WEE2: variants seen among roughly 807,000 people sequenced by gnomAD.
The protein encoded by WEE2 is wee1-like protein kinase 2.
WEE2 carries 50 observed loss-of-function variants against 60.1 expected under a neutral mutation model. That is an observed-to-expected ratio of 0.83 (90% CI 0.66 to 1.05). WEE2 has a LOEUF of 1.05. Among genes scored for constraint, WEE2 ranks in the 50% least tolerant of loss-of-function variants. WEE2 has a pLI of 0.00. For missense variants in WEE2, 631 were observed against 684.3 expected, an observed-to-expected ratio of 0.92 and a Z score of 0.87; for synonymous variants, 240 against 241.0, an observed-to-expected ratio of 1.00 and a Z score of 0.04.
At chr7:141,730,217 C>T in intron 11 of WEE2, 78 bp from the exon 12 acceptor site, 1 of 1,361,408 alleles carries the variant, frequency 7.3e-7, no homozygotes, top group Non-Finnish European at 1.0e-6. Context: ...TAATTGGAAG[C>T]CATTTCTCTT....
At chr7:141,725,291 T>C in intron 9 of WEE2, 95 bp downstream of exon 9, 2 of 1,367,674 alleles carry the variant, frequency 1.5e-6, no homozygotes, top group Non-Finnish European at 2.0e-6. Context: ...ATGCTAGTAG[T>C]GTCACTAACA....
intron 4 of WEE2, chr7:141,720,721 C>T (rs1487945424): frequency 3.3e-5 from 19 of 570,658 alleles, no homozygotes; most frequent in African/African-American, 5.7e-5. Context: ...ATTACCAGTT[C>T]GACTTTGGGC....
At chr7:141,718,583 A>G (rs1421568490) in intron 3 of WEE2, among the ~76,000 whole-genome samples, 1 of 152,044 alleles carries the variant, frequency 6.6e-6, no homozygotes, top group East Asian at 1.9e-4. Context: ...TGACAAAATC[A>G]TTTCTCCAGG....
In WEE2 at chr7:141,723,194, C is replaced by T. The variant is rs1243367185; in HGVS notation, c.941C>T (p.Pro314Leu). ...AAGTCTGGCAATCATTTTGAAGAGC[C>T]AAAACTCAAGGACATCCTTCTACAG... ...NTKSGNHFEEPKLKDILLQIS... is the reference protein window; with the variant it reads ...NTKSGNHFEELKLKDILLQIS... Residue 314 changes from proline (P) to leucine (L), a missense_variant, in exon 6 of 12, where the codon CCA becomes CTA. By Grantham distance (98) the Pro-to-Leu change is moderately conservative. Coordinates refer to ENST00000397541, the MANE Select transcript of WEE2 (RefSeq NM_001105558.1). The T allele has an allele frequency of 6.2e-7, 1 of 1,614,010 alleles. No individual in the cohort carries two copies. The highest frequency in any genetic ancestry group is 8.5e-7 in the Non-Finnish European group (1 of 1,180,026).
chr7:141,730,598 A>G lies in WEE2; in HGVS notation c.*278A>G. 1 of 329,500 alleles carries G rather than the reference A, an allele frequency of 3.0e-6. No individual in the cohort carries two copies. The highest frequency in any genetic ancestry group is 8.2e-4 in the Middle Eastern group (1 of 1,220). 20.4% of individuals were successfully genotyped at this position (329,500 alleles called of 1,614,324 possible). A position where few individuals can be genotyped will look rare whatever the true frequency, so the allele number is the denominator to read the frequency against. Reference sequence around the variant, plus strand: ...TTGTATTTATTAAATAAATGGTTTCACCATTATGTGAGGTGGGTAAAAGTT... The same window carrying G: ...TTGTATTTATTAAATAAATGGTTTCGCCATTATGTGAGGTGGGTAAAAGTT... On this transcript the variant is annotated 3_prime_UTR_variant, in exon 12 of 12. Transcript: ENST00000397541.
chr7:141,721,765 A>G (rs1408234051), intron 5 of WEE2, among the ~76,000 whole-genome samples: 1 of 152,000 alleles, frequency 6.6e-6, no homozygotes, highest in Non-Finnish European at 1.5e-5. Context: ...CATCTAGCCG[A>G]GTGACTTCAT....
intron 3 of WEE2, among the ~76,000 whole-genome samples, chr7:141,717,193 A>G (rs1453789539): frequency 6.6e-6 from 1 of 152,200 alleles, no homozygotes; most frequent in African/African-American, 2.4e-5. Context: ...AGCTATAACC[A>G]CTGCTATTTC....
chr7:141,722,630 A>G (rs539854001), intron 5 of WEE2, among the ~76,000 whole-genome samples: 14 of 152,358 alleles, frequency 9.2e-5, no homozygotes, highest in African/African-American at 2.9e-4. Context: ...AATTAGACTT[A>G]GACTCCATTA....
At chr7:141,713,622 T>G (rs1798744252) in intron 1 of WEE2, among the ~76,000 whole-genome samples, 1 of 152,224 alleles carries the variant, frequency 6.6e-6, no homozygotes, top group South Asian at 2.1e-4. Flanking sequence ...GTGCTTTATT[T>G]TAAGTGAAAT....
At chr7:141,726,951 G>A (rs971911795) in intron 9 of WEE2, among the ~76,000 whole-genome samples, 1 of 152,216 alleles carries the variant, frequency 6.6e-6, no homozygotes. Context: ...AAAGTAAACT[G>A]GAGTAAGAGT....
At chr7:141,717,903 G>T (rs1466292578) in intron 3 of WEE2, among the ~76,000 whole-genome samples, 2 of 152,144 alleles carry the variant, frequency 1.3e-5, no homozygotes, top group East Asian at 3.9e-4. Context: ...AGTAGTGAGT[G>T]CGCAGTTGGT....
chr7:141,714,079 C>A, intron 1 of WEE2, 130 bp from the exon 2 acceptor site: 1 of 700,620 alleles, frequency 1.4e-6, no homozygotes, highest in South Asian at 2.1e-5. Context: ...GCAACCAGTT[C>A]ACATGGAACC....
intron 10 of WEE2, among the ~76,000 whole-genome samples, chr7:141,729,095 A>G (rs1400127234): frequency 6.6e-6 from 1 of 152,218 alleles, no homozygotes; most frequent in Non-Finnish European, 1.5e-5. Context: ...TTTCTGCTGG[A>G]ATGATTTCAG....
chr7:141,726,318 T>C (rs2117123720), intron 9 of WEE2, among the ~76,000 whole-genome samples: 1 of 152,304 alleles, frequency 6.6e-6, no homozygotes, highest in Non-Finnish European at 1.5e-5. Context: ...TCTCATTCTG[T>C]TGCCTAGACT....
intron 10 of WEE2, 107 bp downstream of exon 10, chr7:141,727,553 C>G (rs998146352): frequency 2.1e-6 from 3 of 1,402,192 alleles, no homozygotes; most frequent in Non-Finnish European, 1.9e-6. Flanking sequence ...AATATATTCA[C>G]CATTATAATA....
rs758305440 is a variant in WEE2, at chr7:141,725,037, C to G, written c.1233C>G (p.His411Gln). Reference protein sequence around the residue: ...ANEILQEDYRHLPKADIFALG... With the variant: ...ANEILQEDYRQLPKADIFALG... ...CTTCTGTTTTGAAGGATTACCGGCA[C>G]CTTCCCAAAGCAGACATATTTGCCT... The change falls in exon 9 of 12, where the codon CAC (histidine) becomes CAG (glutamine). Residue 411 changes from histidine (H) to glutamine (Q), a missense_variant. Physicochemically the swap from His to Gln is conservative, Grantham distance 24. Coordinates refer to ENST00000397541, the MANE Select transcript of WEE2 (RefSeq NM_001105558.1). 4 of 1,613,622 alleles carry G rather than the reference C, an allele frequency of 2.5e-6. No individual in the cohort carries two copies. The South Asian group carries it at 4.4e-5, about 18-fold the overall frequency.
chr7:141,708,802 A>G lies in WEE2; in HGVS notation c.44A>G (p.Asn15Ser), dbSNP rs764120932. ...GACAAAGAACTAAGGCAGAAATTAA[A>G]CTTTTCCTATTGTGAGGAGACTGAG... The part of the protein sequence containing the change: ...DIDKELRQKL[N>S]FSYCEETEIE... The change falls in exon 1 of 12, where the codon AAC becomes AGC. Residue 15 changes from asparagine to serine, a missense_variant. Asn to Ser is a conservative substitution (Grantham distance 46, BLOSUM62 1). Coordinates refer to ENST00000397541, the MANE Select transcript of WEE2 (RefSeq NM_001105558.1). 6.2e-7 allele frequency: 1 copy of G among 1,614,150 alleles called. No individual in the cohort carries two copies. The highest frequency in any genetic ancestry group is 1.1e-5 in the South Asian group (1 of 91,078).
intron 1 of WEE2, among the ~76,000 whole-genome samples, chr7:141,712,551 T>C (rs538310173): frequency 1.2e-4 from 18 of 152,332 alleles, no homozygotes; most frequent in Admixed American, 5.2e-4. Flanking sequence ...TTGAAAGGGT[T>C]ACTCATAATT....
chr7:141,723,039 C>T, intron 5 of WEE2, 95 bp from the exon 6 acceptor site: 1 of 1,506,068 alleles, frequency 6.6e-7, no homozygotes, highest in South Asian at 1.3e-5. Flanking sequence ...GGTCCTGGAA[C>T]TAATACCCTG....
Sources: gnomAD v4.1 joint callset for allele counts (sites outside exome capture counted in the v4.1 genomes callset) on GRCh38, gnomAD v4.1.1 for gene constraint, MANE v1.5 for transcripts, NCBI Gene and HGNC (gene_info 2026-07-23, HGNC 2026-07-21) for gene names.